CFAP52: variants seen among roughly 807,000 people sequenced by gnomAD.
CFAP52 encodes the protein cilia- and flagella-associated protein 52.
A neutral mutation model predicts 70.5 loss-of-function variants in CFAP52; 57 were observed. The ratio of observed to expected loss-of-function variants is 0.81; its 90% confidence interval spans 0.65 to 1.01. CFAP52 has a LOEUF of 1.01. Among genes scored for constraint, CFAP52 ranks in the 50% least tolerant of loss-of-function variants. The probability of loss-of-function intolerance (pLI) is 0.00; values close to 1 mark genes in which losing one functional copy is unlikely to be tolerated. For synonymous variants in CFAP52, 267 were observed against 292.5 expected (o/e 0.91, Z 0.89); for missense variants, 785 against 788.5 (o/e 1.00, Z 0.05).
intron 3 of CFAP52, among the ~76,000 whole-genome samples, chr17:9,589,150 C>T (rs1908629850): frequency 6.6e-6 from 1 of 151,976 alleles, no homozygotes; most frequent in Admixed American, 6.6e-5. Flanking sequence ...ACAATCAATG[C>T]AAGACATTCC....
chr17:9,609,280 A>G (rs905136979), intron 7 of CFAP52, among the ~76,000 whole-genome samples: 1 of 152,220 alleles, frequency 6.6e-6, no homozygotes, highest in African/African-American at 2.4e-5. Context: ...ACATTCTAGC[A>G]GGAAGGAAAA....
chr17:9,643,059 A>G lies in CFAP52; in HGVS notation c.1724A>G (p.Asn575Ser), dbSNP rs761065382. ...NDHLVKVWDY[N>S]EGEVTHVGVG... ...CATCTGGTCAAAGTTTGGGATTATA[A>G]TGAGGGTGAAGTGACTCACGTTGGG... is the stretch of plus-strand genomic sequence containing the variant. The change falls in exon 14 of 14, where the codon AAT becomes AGT. Residue 575 changes from asparagine (N) to serine (S), a missense_variant. Transcript: ENST00000352665. 7.4e-5 allele frequency: 119 copies of G among 1,610,322 alleles called. 1 individual carries two copies. The South Asian group carries it at 1.3e-3, about 17-fold the overall frequency.
chr17:9,592,296 C>T (rs1051174551), intron 3 of CFAP52, among the ~76,000 whole-genome samples: 1 of 151,998 alleles, frequency 6.6e-6, no homozygotes, highest in Non-Finnish European at 1.5e-5. Context: ...AACCCTGTCT[C>T]TACTAAAAAT....
At position 9,594,172 on chromosome 17, in the gene CFAP52, TGGTCCC is replaced by T; in HGVS notation, c.408-20_408-15del. The stretch of plus-strand genomic sequence containing the variant: ...TGTTTTCTCTTTGACTTTTTTTTTT[TGGTCCC>T]TCTTATTTTGGCAGTGTGGTGGTGT... On this transcript the variant is annotated splice_polypyrimidine_tract_variant and intron_variant, in intron 3 of 13. Transcript: ENST00000352665. 1.9e-6 allele frequency: 3 copies of T among 1,545,414 alleles called. No individual in the cohort carries two copies. Among genetic ancestry groups the T allele is most frequent in the Admixed American group, 2.1e-5 (1 of 46,528 alleles).
intron 6 of CFAP52, among the ~76,000 whole-genome samples, chr17:9,603,455 C>T (rs377764878): frequency 4.6e-5 from 7 of 152,304 alleles, no homozygotes; most frequent in African/African-American, 1.4e-4. Flanking sequence ...GTGATCCACC[C>T]GCCTCGGCCT....
chr17:9,579,756 C>T (rs1044360088), intron 1 of CFAP52, among the ~76,000 whole-genome samples: 6 of 152,086 alleles, frequency 3.9e-5, no homozygotes, highest in South Asian at 2.1e-4. Flanking sequence ...TTAATAGACA[C>T]GGTGTTTCGC....
chr17:9,594,432 C>T (rs1597772085), intron 4 of CFAP52, 111 bp downstream of exon 4: 1 of 1,329,306 alleles, frequency 7.5e-7, no homozygotes, highest in Non-Finnish European at 1.0e-6. Flanking sequence ...TGGATAAATA[C>T]CTTACATCAT....
intron 8 of CFAP52, among the ~76,000 whole-genome samples, chr17:9,623,670 T>TG (rs1910130920): frequency 6.6e-6 from 1 of 150,942 alleles, no homozygotes; most frequent in Non-Finnish European, 1.5e-5. Flanking sequence ...GCTTAGCTTT[T>TG]TTTGTTTGTT....
chr17:9,641,107 G>GA (rs952061745), intron 12 of CFAP52, among the ~76,000 whole-genome samples: 12 of 152,072 alleles, frequency 7.9e-5, no homozygotes, highest in African/African-American at 2.7e-4. Context: ...GTATATTCAG[G>GA]AAAAAAATCA....
rs112544398 is a variant in CFAP52, at chr17:9,585,916, A to G, written c.214A>G (p.Ile72Val). Residue 72 changes from isoleucine to valine, a missense_variant, in exon 2 of 14, where the codon ATC becomes GTC. Transcript: ENST00000352665. ...TGGCAACAACGTCTCCTGCTTGGCCATCTCCAGGTCTGGAGAGTACATCGC... is the reference window on the plus strand; with the variant it reads ...TGGCAACAACGTCTCCTGCTTGGCCGTCTCCAGGTCTGGAGAGTACATCGC... ...GHGNNVSCLA[I>V]SRSGEYIASG... The G allele has an allele frequency of 2.4e-4, 391 of 1,613,776 alleles. 2 individuals are homozygous for G. In the African/African-American group the frequency reaches 4.4e-3, roughly 18 times the overall value.
At chr17:9,603,064 G>T (rs140498095) in intron 6 of CFAP52, among the ~76,000 whole-genome samples, 1 of 152,278 alleles carries the variant, frequency 6.6e-6, no homozygotes, top group African/African-American at 2.4e-5. Context: ...AACACTACCT[G>T]AAAACTAGTG....
intron 6 of CFAP52, among the ~76,000 whole-genome samples, chr17:9,602,212 G>A (rs950028748): frequency 6.6e-6 from 1 of 152,066 alleles, no homozygotes; most frequent in Admixed American, 6.6e-5. Context: ...GTGCCATGGT[G>A]GTTTGCTGCA....
chr17:9,601,211 A>G (rs1259557052), intron 6 of CFAP52, among the ~76,000 whole-genome samples: 1 of 143,586 alleles, frequency 7.0e-6, no homozygotes, highest in Non-Finnish European at 1.5e-5. Context: ...GAATTGAACA[A>G]TGAGAACACA....
intron 7 of CFAP52, among the ~76,000 whole-genome samples, chr17:9,611,368 T>C (rs1342771189): frequency 6.6e-6 from 1 of 152,032 alleles, no homozygotes; most frequent in African/African-American, 2.4e-5. Context: ...TTTTTTTCTT[T>C]TTTTGAGACA....
At chr17:9,642,837 A>G (rs958155414) in intron 13 of CFAP52, among the ~76,000 whole-genome samples, 186 bp from the exon 14 acceptor site, 1 of 152,128 alleles carries the variant, frequency 6.6e-6, no homozygotes, top group African/African-American at 2.4e-5. Flanking sequence ...ATGTGATTTT[A>G]CCTCTTTGTA....
At chr17:9,587,910 A>G (rs1274532310) in intron 3 of CFAP52, among the ~76,000 whole-genome samples, 43 of 152,214 alleles carry the variant, frequency 2.8e-4, no homozygotes, top group Non-Finnish European at 2.9e-5. Context: ...GAAAAATACC[A>G]TAAAAGTGGT....
intron 6 of CFAP52, among the ~76,000 whole-genome samples, chr17:9,606,699 C>A (rs925826230): frequency 6.6e-6 from 1 of 152,218 alleles, no homozygotes; most frequent in African/African-American, 2.4e-5. Flanking sequence ...ACATATGTAG[C>A]TTCGAGGCGC....
At chr17:9,603,395 G>A (rs2151937962) in intron 6 of CFAP52, among the ~76,000 whole-genome samples, 1 of 152,190 alleles carries the variant, frequency 6.6e-6, no homozygotes, top group African/African-American at 2.4e-5. Flanking sequence ...ATTTTTAGTA[G>A]AGACGGGGTT....
chr17:9,629,892 C>T (rs1426931005), intron 9 of CFAP52, among the ~76,000 whole-genome samples: 1 of 151,808 alleles, frequency 6.6e-6, no homozygotes, highest in Non-Finnish European at 1.5e-5. Context: ...ACCCGGTCCT[C>T]ACTCCTCTTT....
Sources: allele counts gnomAD v4.1 joint callset (sites outside exome capture counted in the v4.1 genomes callset), GRCh38; gene constraint gnomAD v4.1.1; transcripts MANE v1.5; gene names NCBI Gene and HGNC (gene_info 2026-07-23, HGNC 2026-07-21).